CCNI: variants seen among roughly 807,000 people sequenced by gnomAD.
CCNI encodes cyclin-I.
In CCNI, 14 loss-of-function variants were observed where a neutral mutation model predicts 34.1. That is an observed-to-expected ratio of 0.41 (90% confidence interval 0.27 to 0.64). CCNI has a LOEUF of 0.64. CCNI is among the 30% of genes least tolerant of loss of function. The probability of loss-of-function intolerance (pLI) is 0.31; values close to 1 mark genes in which losing one functional copy is unlikely to be tolerated. For missense variants in CCNI, 385 were observed against 440.5 expected, an observed-to-expected ratio of 0.87 and a Z score of 1.13; for synonymous variants, 154 against 158.4, an observed-to-expected ratio of 0.97 and a Z score of 0.21.
chr4:77,065,270 T>G (rs1473619388), intron 2 of CCNI, among the ~76,000 whole-genome samples: 1 of 152,202 alleles, frequency 6.6e-6, no homozygotes. Flanking sequence ...ACTTACATAT[T>G]TGCCATTCAT....
chr4:77,061,744 A>C (rs1728621187), intron 2 of CCNI, among the ~76,000 whole-genome samples: 2 of 152,098 alleles, frequency 1.3e-5, no homozygotes, highest in South Asian at 4.2e-4. Flanking sequence ...ATCTTGGCTA[A>C]CTGCAAGCTC....
In CCNI at chr4:77,048,294, C is replaced by G; in HGVS notation, c.1059G>C (p.Val353=). The stretch of plus-strand genomic sequence containing the variant: ...CTTGTCTTGATAAATCAGTGCCACA[C>G]ACAGAACCCACATTTTCTGAGACAT... The part of the protein sequence containing the change: ...EDNVSENVGS[V]CGTDLSRQEG... The change falls in exon 7 of 7, where the codon GTG becomes GTC. Residue 353 remains valine, a synonymous_variant. Coordinates refer to ENST00000237654, the MANE Select transcript of CCNI (RefSeq NM_006835.3). 1 of 1,614,174 alleles carries G rather than the reference C, an allele frequency of 6.2e-7. No individual in the cohort carries two copies. The highest frequency in any genetic ancestry group is 8.5e-7 in the Non-Finnish European group (1 of 1,180,020).
At chr4:77,067,722 G>A (rs547922434) in intron 1 of CCNI, among the ~76,000 whole-genome samples, 1 of 136,446 alleles carries the variant, frequency 7.3e-6, no homozygotes, top group South Asian at 2.4e-4. Context: ...GCCTCACGCA[G>A]TCCTCCTGGC....
rs774065228 is a variant in CCNI, at chr4:77,048,244, G to A, written c.1109C>T (p.Pro370Leu). The change falls in exon 7 of 7, where the codon CCT becomes CTT. Residue 370 changes from proline to leucine, a missense_variant. By Grantham distance (98) the Pro-to-Leu change is moderately conservative (BLOSUM62 -3). Transcript: ENST00000237654. ...CTACATGACAGAAACAGGCTGCAAAGGTGGACAAGGGGAAGCATGTCCCTC... is the reference window on the plus strand; with the variant it reads ...CTACATGACAGAAACAGGCTGCAAAAGTGGACAAGGGGAAGCATGTCCCTC... Reference protein sequence around the residue: ...RQEGHASPCPPLQPVSVM With the variant: ...RQEGHASPCPLLQPVSVM The A allele has an allele frequency of 1.2e-6, 2 of 1,613,878 alleles. No homozygotes were observed. The highest frequency in any genetic ancestry group is 3.3e-5 in the Admixed American group (2 of 60,020).
chr4:77,070,816 C>A (rs569473895), intron 1 of CCNI, among the ~76,000 whole-genome samples: 1 of 152,186 alleles, frequency 6.6e-6, no homozygotes, highest in African/African-American at 2.4e-5. Context: ...CAGTAGTTCA[C>A]GACCAGCCTG....
At position 77,075,484 on chromosome 4, in the gene CCNI, T is replaced by C. The variant is rs1578264254; in HGVS notation, c.-56A>G. Reference sequence around the variant, plus strand: ...CCCCGCCCCTCACCTTCTCCTCCTCTTCCTCCTCCTCCTCCTCCCCGGCAG... The same window carrying C: ...CCCCGCCCCTCACCTTCTCCTCCTCCTCCTCCTCCTCCTCCTCCCCGGCAG... On this transcript the variant is annotated 5_prime_UTR_variant, in exon 1 of 7. Coordinates refer to ENST00000237654, the MANE Select transcript of CCNI (RefSeq NM_006835.3). 1 of 733,988 alleles carries C rather than the reference T, an allele frequency of 1.4e-6. No homozygotes were observed. The highest frequency in any genetic ancestry group is 1.7e-6 in the Non-Finnish European group (1 of 600,818). 45.5% of individuals were successfully genotyped at this position (733,988 alleles called of 1,614,324 possible).
chr4:77,047,440 G>C lies in CCNI; in HGVS notation c.*779C>G, dbSNP rs1478952756. Reference sequence around the variant, plus strand: ...ATAAATGAGTGAAAACTATCAGTTAGAAAAATCTAATTTAAGTTGTTAATA... The same window carrying C: ...ATAAATGAGTGAAAACTATCAGTTACAAAAATCTAATTTAAGTTGTTAATA... On this transcript the variant is annotated 3_prime_UTR_variant, in exon 7 of 7. Coordinates refer to ENST00000237654, the MANE Select transcript of CCNI (RefSeq NM_006835.3). 3.3e-5 allele frequency: 5 copies of C among 152,132 alleles called. No individual in the cohort carries two copies. The highest frequency in any genetic ancestry group is 1.3e-4 in the Admixed American group (2 of 15,274). 9.4% of individuals were successfully genotyped at this position (152,132 alleles called of 1,614,324 possible).
At chr4:77,065,605 T>C (rs1037302478) in intron 2 of CCNI, among the ~76,000 whole-genome samples, 14 of 152,224 alleles carry the variant, frequency 9.2e-5, no homozygotes, top group African/African-American at 3.4e-4. Context: ...GACAATGGTA[T>C]GAAGATGTTC....
Position 77,070,935 on chromosome 4 carries a change from T to C in CCNI, c.-43-4530A>G, listed in dbSNP as rs1253642620. ...CTATTTGGGTCAAGATTAGACTTCA[T>C]AGGTTCTAAGGTTTCTTCCAAACTC... On this transcript the variant is annotated intron_variant, in intron 1 of 6. Transcript: ENST00000237654. 5.3e-5 allele frequency among the ~76,000 whole-genome samples: 8 copies of C among 152,238 alleles called. No individual in the cohort carries two copies. In the East Asian group the frequency reaches 5.8e-4, roughly 11 times the overall value.
intron 6 of CCNI, among the ~76,000 whole-genome samples, chr4:77,053,784 A>G (rs1329077408): frequency 6.6e-6 from 1 of 152,154 alleles, no homozygotes; most frequent in East Asian, 1.9e-4. Context: ...TTAATATTCA[A>G]CTTTTCTTTC....
chr4:77,056,432 A>G, intron 3 of CCNI, 109 bp from the exon 4 acceptor site: 1 of 727,942 alleles, frequency 1.4e-6, no homozygotes, highest in Admixed American at 2.2e-5. Flanking sequence ...GGTATACACA[A>G]AATACTATGG....
intron 2 of CCNI, chr4:77,064,583 G>GCACACACACACACACACA (rs760508507): frequency 9.5e-6 from 1 of 105,682 alleles, no homozygotes; most frequent in Non-Finnish European, 1.9e-5. Context: ...ATGCGCGCGC[G>GCACACACACACACACACA]CGCACACACA....
At position 77,056,293 on chromosome 4, in the gene CCNI, T is replaced by C. The variant is rs1461087701; in HGVS notation, c.274A>G (p.Ile92Val). ...TTGGCAGCTAGGAAAAAACAGCTGA[T>C]TGCAATACAACTCAAGTATTTTGGA... ...AHPKYLSCIA[I>V]SCFFLAAKTV... The change falls in exon 4 of 7, where the codon ATC becomes GTC. Residue 92 changes from isoleucine (I) to valine (V), a missense_variant. Transcript: ENST00000237654. 4.3e-6 allele frequency: 7 copies of C among 1,612,946 alleles called. No individual in the cohort carries two copies. Among genetic ancestry groups the C allele is most frequent in the Non-Finnish European group, 5.9e-6 (7 of 1,179,018 alleles).
Position 77,066,399 on chromosome 4 carries a change from T to C in CCNI, c.-37A>G. On this transcript the variant is annotated 5_prime_UTR_variant, in exon 2 of 7. Coordinates refer to ENST00000237654, the MANE Select transcript of CCNI (RefSeq NM_006835.3). Reference sequence around the variant, plus strand: ...GATCTGCCTGCTACCCAGCTTGCTGTAGCTACCTACAGAATCAAGTAAGTT... The same window carrying C: ...GATCTGCCTGCTACCCAGCTTGCTGCAGCTACCTACAGAATCAAGTAAGTT... 6.2e-7 allele frequency: 1 copy of C among 1,612,184 alleles called. No individual in the cohort carries two copies. The highest frequency in any genetic ancestry group is 2.2e-5 in the East Asian group (1 of 44,850).
chr4:77,047,999 T>G lies in CCNI; in HGVS notation c.*220A>C. ...TTTTTAAGTTTAAAAAAAGTTTGGA[T>G]CTTTTGGATTTCTTTTTTTTTTTTT... On this transcript the variant is annotated 3_prime_UTR_variant, in exon 7 of 7. Transcript: ENST00000237654. 1 of 405,262 alleles carries G rather than the reference T, an allele frequency of 2.5e-6. No individual in the cohort carries two copies. The highest frequency in any genetic ancestry group is 4.4e-6 in the Non-Finnish European group (1 of 228,408). 25.1% of individuals were successfully genotyped at this position (405,262 alleles called of 1,614,324 possible).
At chr4:77,059,131 C>G (rs1176695314) in intron 2 of CCNI, among the ~76,000 whole-genome samples, 2 of 151,944 alleles carry the variant, frequency 1.3e-5, no homozygotes, top group Non-Finnish European at 2.9e-5. Context: ...CCAGGGACAA[C>G]AGATGAATTA....
intron 2 of CCNI, among the ~76,000 whole-genome samples, chr4:77,062,975 T>G (rs1265480457): frequency 2.0e-5 from 3 of 152,172 alleles, no homozygotes. Flanking sequence ...TTTGAGTCTA[T>G]TATATGCAAG....
intron 1 of CCNI, among the ~76,000 whole-genome samples, chr4:77,071,961 C>T (rs536345922): frequency 3.3e-5 from 5 of 152,240 alleles, no homozygotes; most frequent in African/African-American, 1.2e-4. Context: ...ATTCTACCAA[C>T]CATTTTCAGA....
chr4:77,056,285 A>G lies in CCNI; in HGVS notation c.282T>C (p.Cys94=). The part of the protein sequence containing the change: ...PKYLSCIAIS[C]FFLAAKTVEE... The stretch of plus-strand genomic sequence containing the variant: ...CAACAGTCTTGGCAGCTAGGAAAAA[A>G]CAGCTGATTGCAATACAACTCAAGT... The change falls in exon 4 of 7, where the codon TGT becomes TGC. Residue 94 remains cysteine, a synonymous_variant. Coordinates refer to ENST00000237654, the MANE Select transcript of CCNI (RefSeq NM_006835.3). The G allele has an allele frequency of 6.2e-7, 1 of 1,613,916 alleles. No homozygotes were observed. Among genetic ancestry groups the G allele is most frequent in the South Asian group, 1.1e-5 (1 of 91,086 alleles).
Sources: allele counts gnomAD v4.1 joint callset (sites outside exome capture counted in the v4.1 genomes callset), GRCh38; gene constraint gnomAD v4.1.1; transcripts MANE v1.5; gene names NCBI Gene and HGNC (gene_info 2026-07-23, HGNC 2026-07-21).